ANO2: variants seen among roughly 807,000 people sequenced by gnomAD.
The protein encoded by ANO2 is anoctamin-2.
A neutral mutation model predicts 124.2 loss-of-function variants in ANO2; 101 were observed. The observed-to-expected ratio is 0.81, with a 90% confidence interval of 0.69 to 0.96. The LOEUF (loss-of-function observed/expected upper bound fraction) is 0.96, where lower values mean the gene tolerates loss of function less well. Ranked by LOEUF, ANO2 falls within the 40% of genes least tolerant of loss-of-function variation. ANO2 has a pLI of 0.00. For missense variants in ANO2, 1,293 were observed against 1,274.5 expected, an observed-to-expected ratio of 1.01 and a Z score of -0.22; for synonymous variants, 486 against 482.5, an observed-to-expected ratio of 1.01 and a Z score of -0.09.
chr12:5,922,692 G>T lies in ANO2; in HGVS notation c.135C>A (p.Ala45=). The stretch of plus-strand genomic sequence containing the variant: ...TGTTGGAACCGCCCTGCAGACCTGG[G>T]GCCCGGGGACCTGGCATCTTGAGAC... The part of the protein sequence containing the change: ...QQCLKMPGPR[A]PGLQGGSNRD... Residue 45 remains alanine, a synonymous_variant, in exon 2 of 25, where the codon GCC becomes GCA. Coordinates refer to ENST00000682330, the MANE Select transcript of ANO2 (RefSeq NM_001364791.2). 1 of 1,584,196 alleles carries T rather than the reference G, an allele frequency of 6.3e-7. No individual in the cohort carries two copies.
intron 9 of ANO2, among the ~76,000 whole-genome samples, chr12:5,804,744 T>C (rs1283599845): frequency 6.6e-6 from 1 of 152,216 alleles, no homozygotes; most frequent in African/African-American, 2.4e-5. Flanking sequence ...CTACAACATA[T>C]ATATTGTAAA....
intron 14 of ANO2, among the ~76,000 whole-genome samples, chr12:5,724,596 CTGCCAGAGGCG>C (rs1317550503): frequency 6.6e-6 from 1 of 152,240 alleles, no homozygotes; most frequent in African/African-American, 2.4e-5. Flanking sequence ...TTTATTGTGC[CTGCCAGAGGCG>C]TCTGTCGTAA....
intron 3 of ANO2, among the ~76,000 whole-genome samples, chr12:5,889,706 C>T (rs1474262739): frequency 6.6e-6 from 1 of 152,248 alleles, no homozygotes; most frequent in African/African-American, 2.4e-5. Flanking sequence ...GCCATTAACC[C>T]AGGAATGCCA....
At chr12:5,762,858 T>C (rs71459970) in intron 10 of ANO2, among the ~76,000 whole-genome samples, 7,142 of 152,054 alleles carry the variant, frequency 0.047, 248 homozygotes, top group Non-Finnish European at 0.068. Flanking sequence ...CCTTTTAAGT[T>C]AAACAAAAAC....
In ANO2 at chr12:5,944,583, C is replaced by T. The variant is rs569251419; in HGVS notation, c.22+613G>A. ...TAAAATAACGTCTTTCTTCTCCATA[C>T]TCCACCTCAATTTGCTTTTCTTCTA... is the stretch of plus-strand genomic sequence containing the variant. On this transcript the variant is annotated intron_variant, in intron 1 of 24. Coordinates refer to ENST00000682330, the MANE Select transcript of ANO2 (RefSeq NM_001364791.2). Among the ~76,000 whole-genome samples, 28 of 152,338 alleles carry T rather than the reference C, an allele frequency of 1.8e-4. No homozygotes were observed. In the South Asian group the frequency reaches 5.8e-3, roughly 32 times the overall value.
At chr12:5,600,585 T>C (rs1943894256) in intron 19 of ANO2, among the ~76,000 whole-genome samples, 1 of 152,224 alleles carries the variant, frequency 6.6e-6, no homozygotes, top group African/African-American at 2.4e-5. Context: ...AGATGATACC[T>C]GTTATTATTT....
chr12:5,927,588 T>C (rs1178693020), intron 1 of ANO2, among the ~76,000 whole-genome samples: 1 of 152,240 alleles, frequency 6.6e-6, no homozygotes, highest in East Asian at 1.9e-4. Context: ...CATCAGGGCT[T>C]CCAACGACCA....
intron 10 of ANO2, among the ~76,000 whole-genome samples, chr12:5,759,616 G>A (rs1951681566): frequency 6.7e-6 from 1 of 148,392 alleles, no homozygotes; most frequent in Non-Finnish European, 1.5e-5. Flanking sequence ...AGGGATCTAG[G>A]ATGCACACTT....
intron 13 of ANO2, 78 bp from the exon 14 acceptor site, chr12:5,732,708 T>C: frequency 6.6e-7 from 1 of 1,525,768 alleles, no homozygotes; most frequent in Non-Finnish European, 9.1e-7. Context: ...CAGACACATG[T>C]ACATTAACGT....
intron 20 of ANO2, among the ~76,000 whole-genome samples, chr12:5,595,194 G>C (rs1943598999): frequency 6.6e-6 from 1 of 152,030 alleles, no homozygotes. Context: ...CCGAGTGTTT[G>C]AGTTTTGTTT....
At chr12:5,938,717 C>T (rs1942761676) in intron 1 of ANO2, among the ~76,000 whole-genome samples, 1 of 152,036 alleles carries the variant, frequency 6.6e-6, no homozygotes, top group African/African-American at 2.4e-5. Flanking sequence ...CCCAGCTACT[C>T]AGGAGGCTGA....
At chr12:5,687,537 A>T (rs1948755947) in intron 14 of ANO2, among the ~76,000 whole-genome samples, 1 of 152,216 alleles carries the variant, frequency 6.6e-6, no homozygotes. Flanking sequence ...TGGGGTCCTG[A>T]TGGAGGCTTG....
chr12:5,610,626 T>TAA (rs1192815627), intron 19 of ANO2, among the ~76,000 whole-genome samples: 2 of 143,574 alleles, frequency 1.4e-5, no homozygotes, highest in African/African-American at 5.1e-5. Context: ...TATATATTTA[T>TAA]ATATATGTAT....
chr12:5,755,744 T>G (rs189145695), intron 10 of ANO2, among the ~76,000 whole-genome samples: 59 of 152,310 alleles, frequency 3.9e-4, no homozygotes, highest in African/African-American at 1.2e-3. Context: ...CTCATCATTT[T>G]GTATGGCTGC....
chr12:5,686,735 G>C (rs928492233), intron 14 of ANO2, among the ~76,000 whole-genome samples: 1 of 152,230 alleles, frequency 6.6e-6, no homozygotes, highest in Non-Finnish European at 1.5e-5. Flanking sequence ...CTGCGCTGAC[G>C]TTCACAGGCT....
chr12:5,696,195 C>G lies in ANO2; in HGVS notation c.1545+36325G>C, dbSNP rs139438528. Among the ~76,000 whole-genome samples the G allele has an allele frequency of 2.3e-4, 35 of 152,028 alleles. No individual in the cohort carries two copies. The East Asian group carries it at 6.6e-3, about 29-fold the overall frequency. ...GAAGACAAACAATAGGAAGAATGAA[C>G]AAAACCAAACACTGGCTTCTTGAAA... On this transcript the variant is annotated intron_variant, in intron 14 of 24. Coordinates refer to ENST00000682330, the MANE Select transcript of ANO2 (RefSeq NM_001364791.2).
intron 11 of ANO2, among the ~76,000 whole-genome samples, chr12:5,747,455 G>A (rs1951302196): frequency 6.6e-6 from 1 of 152,086 alleles, no homozygotes; most frequent in Non-Finnish European, 1.5e-5. Flanking sequence ...TTACAATTAT[G>A]TTTAAAAAAC....
intron 15 of ANO2, among the ~76,000 whole-genome samples, chr12:5,644,820 T>G (rs550673222): frequency 1.8e-4 from 27 of 152,334 alleles, no homozygotes; most frequent in Non-Finnish European, 2.9e-4. Flanking sequence ...TACATGATAT[T>G]TTTCTTGGGC....
chr12:5,623,521 A>T (rs1945232000), intron 16 of ANO2, among the ~76,000 whole-genome samples: 1 of 152,092 alleles, frequency 6.6e-6, no homozygotes, highest in African/African-American at 2.4e-5. Context: ...TATGAGTGCA[A>T]ATGACCCAGC....
Sources: gnomAD v4.1 joint callset for allele counts (sites outside exome capture counted in the v4.1 genomes callset) on GRCh38, gnomAD v4.1.1 for gene constraint, MANE v1.5 for transcripts, NCBI Gene and HGNC (gene_info 2026-07-23, HGNC 2026-07-21) for gene names.